Variants in LRP1B observed in about 807,000 individuals in gnomAD.
LRP1B encodes LDL receptor related protein 1B, also known as low-density lipoprotein receptor-related protein 1B.
A neutral mutation model predicts 556.6 loss-of-function variants in LRP1B; 217 were observed. The observed-to-expected ratio is 0.39, with a 90% CI of 0.35 to 0.44. LRP1B has a LOEUF of 0.44. Ranked by LOEUF, LRP1B falls within the 20% of genes least tolerant of loss-of-function variation. The pLI, the probability that LRP1B is intolerant of heterozygous loss-of-function variation, is 1.00. For synonymous variants in LRP1B, 2,047 were observed against 1,865.8 expected (o/e 1.10, Z -2.50); for missense variants, 5,053 against 5,620.8 (o/e 0.90, Z 3.23).
chr2:140,958,468 T>A (rs1259564794), intron 18 of LRP1B, among the ~76,000 whole-genome samples: 2 of 151,538 alleles, frequency 1.3e-5, no homozygotes, highest in Non-Finnish European at 3.0e-5. Flanking sequence ...GAAGAGAGAA[T>A]TACTAAACTG....
In LRP1B at chr2:140,652,994, G is replaced by T. The variant is rs551431852; in HGVS notation, c.6799+47256C>A. Among the ~76,000 whole-genome samples, 9 of 152,078 alleles carry T rather than the reference G, an allele frequency of 5.9e-5. No homozygotes were observed. The South Asian group carries it at 1.9e-3, about 32-fold the overall frequency. On this transcript the variant is annotated intron_variant, in intron 41 of 90. Coordinates refer to ENST00000389484, the MANE Select transcript of LRP1B (RefSeq NM_018557.3). ...CTAGATATTTACAAAATCTAAGAAA[G>T]CTAAGTAGCACCATACGTTTGAGGA...
intron 3 of LRP1B, among the ~76,000 whole-genome samples, chr2:141,473,671 A>G (rs1472321124): frequency 6.6e-6 from 1 of 152,090 alleles, no homozygotes; most frequent in African/African-American, 2.4e-5. Flanking sequence ...TCACAAACCT[A>G]GGTCTTCCTG....
At chr2:142,082,531 G>A (rs1184854272) in intron 1 of LRP1B, among the ~76,000 whole-genome samples, 1 of 152,122 alleles carries the variant, frequency 6.6e-6, no homozygotes, top group Admixed American at 6.5e-5. Flanking sequence ...TTTCTTGCTG[G>A]GAAAGAAGGC....
At chr2:140,236,556 A>C (rs1186800894) in intron 89 of LRP1B, among the ~76,000 whole-genome samples, 1 of 150,978 alleles carries the variant, frequency 6.6e-6, no homozygotes, top group Admixed American at 6.6e-5. Flanking sequence ...ATTTCCCTTA[A>C]AAGTTGCCAA....
intron 2 of LRP1B, among the ~76,000 whole-genome samples, chr2:141,521,820 A>T (rs528883136): frequency 1.3e-5 from 2 of 152,238 alleles, no homozygotes; most frequent in South Asian, 4.1e-4. Context: ...GGACAAATTA[A>T]TCTAAGTCCA....
chr2:141,900,769 A>G (rs1159227377), intron 1 of LRP1B, among the ~76,000 whole-genome samples: 3 of 152,066 alleles, frequency 2.0e-5, no homozygotes, highest in African/African-American at 7.2e-5. Flanking sequence ...ACCAAAGTAC[A>G]CTTGAATAAT....
chr2:141,806,908 A>AAAG (rs755444685), intron 2 of LRP1B, among the ~76,000 whole-genome samples: 1 of 152,166 alleles, frequency 6.6e-6, no homozygotes, highest in East Asian at 1.9e-4. Flanking sequence ...CTATCATTTT[A>AAAG]AAGCTAAGTG....
At chr2:140,395,204 T>C (rs1684197142) in intron 66 of LRP1B, among the ~76,000 whole-genome samples, 1 of 152,210 alleles carries the variant, frequency 6.6e-6, no homozygotes, top group Non-Finnish European at 1.5e-5. Context: ...GGCTATCTCA[T>C]TGGTTTATAA....
At chr2:141,845,530 C>T (rs886730603) in intron 1 of LRP1B, among the ~76,000 whole-genome samples, 1 of 151,886 alleles carries the variant, frequency 6.6e-6, no homozygotes, top group African/African-American at 2.4e-5. Flanking sequence ...GGGAGGGAAG[C>T]AGACAGAAGT....
intron 3 of LRP1B, among the ~76,000 whole-genome samples, chr2:141,437,743 T>C (rs531792313): frequency 5.5e-4 from 84 of 151,992 alleles, no homozygotes; most frequent in African/African-American, 2.0e-3. Flanking sequence ...CAATGTAGGC[T>C]GTCTTTTCTA....
rs535242859 is a variant in LRP1B at position 141,653,879 on chromosome 2, T to C, written c.205+156400A>G. ...TCTTTTTTTTCTTTTATAAAAATGG[T>C]ACATTCTACAACACTGTCACACTTT... On this transcript the variant is annotated intron_variant, in intron 2 of 90. Transcript: ENST00000389484. 2.0e-5 allele frequency among the ~76,000 whole-genome samples: 3 copies of C among 152,326 alleles called. No homozygotes were observed. The South Asian group carries it at 6.2e-4, about 32-fold the overall frequency.
intron 1 of LRP1B, among the ~76,000 whole-genome samples, chr2:142,085,772 C>T (rs760538595): frequency 1.3e-5 from 2 of 152,140 alleles, no homozygotes; most frequent in African/African-American, 2.4e-5. Context: ...TATCTTCAAT[C>T]CCCCAAGTTG....
At chr2:140,817,327 A>T (rs974977290) in intron 31 of LRP1B, among the ~76,000 whole-genome samples, 1 of 152,026 alleles carries the variant, frequency 6.6e-6, no homozygotes, top group Non-Finnish European at 1.5e-5. Context: ...TATACGAAAA[A>T]AATAAGTCAC....
At chr2:141,879,148 ATAT>A (rs1446909502) in intron 1 of LRP1B, among the ~76,000 whole-genome samples, 3 of 151,886 alleles carry the variant, frequency 2.0e-5, no homozygotes, top group African/African-American at 4.8e-5. Flanking sequence ...TATAGAAAAT[ATAT>A]TATTACTTGT....
At chr2:141,302,411 G>A (rs1207637854) in intron 3 of LRP1B, among the ~76,000 whole-genome samples, 1 of 152,030 alleles carries the variant, frequency 6.6e-6, no homozygotes, top group Non-Finnish European at 1.5e-5. Flanking sequence ...ATATCCTCCA[G>A]AGTTATAACT....
chr2:141,478,578 C>G (rs1012460421), intron 3 of LRP1B, among the ~76,000 whole-genome samples: 2 of 144,086 alleles, frequency 1.4e-5, no homozygotes, highest in African/African-American at 5.1e-5. Flanking sequence ...AAGTTTTACT[C>G]AGTCACCCAG....
rs577502597 is a variant in LRP1B, at chr2:140,930,959, C to G, written c.3137-7812G>C. On this transcript the variant is annotated intron_variant, in intron 20 of 90. Coordinates refer to ENST00000389484, the MANE Select transcript of LRP1B (RefSeq NM_018557.3). ...TGGACATACCTTTGTCTGTTCCTGT[C>G]TGAGGAGAACCTTAATATACCCCTA... Among the ~76,000 whole-genome samples the G allele has an allele frequency of 4.9e-4, 74 of 152,204 alleles. 1 individual carries two copies. Among genetic ancestry groups the G allele is most frequent in the Admixed American group, 1.5e-3 (23 of 15,242 alleles).
intron 2 of LRP1B, among the ~76,000 whole-genome samples, chr2:141,669,036 T>A (rs968525560): frequency 6.6e-6 from 1 of 152,030 alleles, no homozygotes; most frequent in African/African-American, 2.4e-5. Context: ...ATGTTCTGAG[T>A]TAGTTTGTGT....
chr2:141,074,004 A>G (rs1699714802), intron 7 of LRP1B, among the ~76,000 whole-genome samples: 1 of 152,078 alleles, frequency 6.6e-6, no homozygotes, highest in Non-Finnish European at 1.5e-5. Flanking sequence ...TGTGTTATAA[A>G]CCTTCCTATA....
Sources: gnomAD v4.1 joint callset for allele counts (sites outside exome capture counted in the v4.1 genomes callset) on GRCh38, gnomAD v4.1.1 for gene constraint, MANE v1.5 for transcripts, NCBI Gene and HGNC (gene_info 2026-07-23, HGNC 2026-07-21) for gene names.